The following DDI2 variants were observed in gnomAD, a reference collection of about 807,000 sequenced individuals.
The protein encoded by DDI2 is protein DDI1 homolog 2.
Under a neutral mutation model 48.1 loss-of-function variants are expected in DDI2, and 5 were observed. That is an observed-to-expected ratio of 0.10 (90% CI 0.05 to 0.22). The LOEUF is 0.22. DDI2 is among the 10% of genes least tolerant of loss of function. The pLI is 1.00. For missense variants in DDI2, 285 were observed against 506.2 expected, an observed-to-expected ratio of 0.56 and a Z score of 4.19; for synonymous variants, 205 against 183.6, an observed-to-expected ratio of 1.12 and a Z score of -0.94.
At chr1:15,656,091 T>C (rs374211474) in intron 8 of DDI2, among the ~76,000 whole-genome samples, 4 of 152,218 alleles carry the variant, frequency 2.6e-5, no homozygotes, top group African/African-American at 9.6e-5. Context: ...TTCTCCCTCC[T>C]GGACCTCCCA....
intron 6 of DDI2, 102 bp from the exon 7 acceptor site, chr1:15,649,618 C>A (rs2103476699): frequency 8.7e-7 from 1 of 1,149,086 alleles, no homozygotes; most frequent in Non-Finnish European, 1.2e-6. Flanking sequence ...TTGCCATCAG[C>A]CAGGATTATG....
intron 5 of DDI2, among the ~76,000 whole-genome samples, chr1:15,642,825 T>A (rs988418694): frequency 6.6e-6 from 1 of 152,186 alleles, no homozygotes; most frequent in Non-Finnish European, 1.5e-5. Context: ...CCCAGCACTT[T>A]GGGAGGCCGA....
chr1:15,625,426 A>T (rs1639737065), intron 1 of DDI2, among the ~76,000 whole-genome samples: 1 of 134,504 alleles, frequency 7.4e-6, no homozygotes, highest in Admixed American at 7.0e-5. Context: ...GGCAGATTTT[A>T]TGTTTTTTCA....
intron 3 of DDI2, among the ~76,000 whole-genome samples, chr1:15,632,216 C>G (rs886880017): frequency 2.6e-5 from 4 of 152,184 alleles, no homozygotes; most frequent in Non-Finnish European, 5.9e-5. Flanking sequence ...ATCAGCATAT[C>G]TAATCACCAA....
At chr1:15,632,912 C>CTTT (rs1222613153) in intron 3 of DDI2, among the ~76,000 whole-genome samples, 14 of 99,894 alleles carry the variant, frequency 1.4e-4, no homozygotes, top group African/African-American at 2.5e-4. Context: ...TTTGCAAATA[C>CTTT]TTTTTTTTTT....
intron 1 of DDI2, among the ~76,000 whole-genome samples, chr1:15,623,410 A>G (rs1217284176): frequency 1.4e-5 from 1 of 71,342 alleles, no homozygotes; most frequent in East Asian, 2.5e-4. Context: ...TTTTTTTTTT[A>G]AGAGACAAGA....
chr1:15,662,455 G>GTCAGCTTTAAGTCAGC lies in DDI2; in HGVS notation c.*2666_*2667insCAGCTTTAAGTCAGCT, dbSNP rs1640397988. On this transcript the variant is annotated 3_prime_UTR_variant, in exon 10 of 10. Coordinates refer to ENST00000480945, the MANE Select transcript of DDI2 (RefSeq NM_032341.5). ...ATATTGTGGGGGAGTTACAATGCAA[G>GTCAGCTTTAAGTCAGC]TGAAACGTGGTGCTACCCAGATTCT... 1.3e-5 allele frequency: 2 copies of GTCAGCTTTAAGTCAGC among 152,172 alleles called. No homozygotes were observed. Among genetic ancestry groups the GTCAGCTTTAAGTCAGC allele is most frequent in the South Asian group, 4.1e-4 (2 of 4,828 alleles). 9.4% of individuals were successfully genotyped at this position (152,172 alleles called of 1,614,324 possible). A position where few individuals can be genotyped will look rare whatever the true frequency, so the allele number is the denominator to read the frequency against.
chr1:15,636,022 G>C (rs2103468749), intron 4 of DDI2, among the ~76,000 whole-genome samples: 1 of 152,316 alleles, frequency 6.6e-6, no homozygotes, highest in East Asian at 1.9e-4. Flanking sequence ...AGGTGCTTTT[G>C]ACTTTCTGAG....
intron 8 of DDI2, among the ~76,000 whole-genome samples, chr1:15,654,124 T>G (rs1640234025): frequency 6.6e-6 from 1 of 152,202 alleles, no homozygotes; most frequent in Admixed American, 6.5e-5. Context: ...CACACATTGC[T>G]TTTTCTAGTA....
At chr1:15,653,959 C>G (rs955771861) in intron 8 of DDI2, among the ~76,000 whole-genome samples, 1 of 152,098 alleles carries the variant, frequency 6.6e-6, no homozygotes, top group African/African-American at 2.4e-5. Context: ...GCTAAGTTTT[C>G]TAGGTAAAAT....
In DDI2 at chr1:15,665,262, C is replaced by CA. The variant is rs1220947128; in HGVS notation, c.*5490dup. On this transcript the variant is annotated 3_prime_UTR_variant, in exon 10 of 10. Coordinates refer to ENST00000480945, the MANE Select transcript of DDI2 (RefSeq NM_032341.5). ...GGGCAACAAGAGCAAAACTCTGTCTCAAAAAAAAAAAAAAAAAAGGTAACC... is the reference window on the plus strand; with the variant it reads ...GGGCAACAAGAGCAAAACTCTGTCTCAAAAAAAAAAAAAAAAAAAGGTAACC... The CA allele has an allele frequency of 0.081, 7,760 of 95,790 alleles. 609 individuals are homozygous for CA. Among genetic ancestry groups the CA allele is most frequent in the African/African-American group, 0.21 (5,861 of 28,292 alleles). The allele number at this position is 95,790 out of a possible 1,614,324, so 5.9% of individuals were successfully genotyped here. A position where few individuals can be genotyped will look rare whatever the true frequency, so the allele number is the denominator to read the frequency against.
rs1640337857 is a variant in DDI2, at chr1:15,660,002, C to A, written c.*212C>A. On this transcript the variant is annotated 3_prime_UTR_variant, in exon 10 of 10. Coordinates refer to ENST00000480945, the MANE Select transcript of DDI2 (RefSeq NM_032341.5). ...GTCTGCCCTATCAAGCCCAGTGACT[C>A]AGATCGCATTGAACCTAAAGCTGTG... 8 of 1,614,094 alleles carry A rather than the reference C, an allele frequency of 5.0e-6. No individual in the cohort carries two copies.
intron 5 of DDI2, 143 bp from the exon 6 acceptor site, chr1:15,643,379 C>A: frequency 8.6e-7 from 1 of 1,157,388 alleles, no homozygotes; most frequent in Non-Finnish European, 1.2e-6. Context: ...AGGCAGGGCA[C>A]TTGCTAGGTA....
In DDI2 at chr1:15,633,795, AAGG is replaced by A. The variant is rs769847151; in HGVS notation, c.632+235_632+237del. ...TTAATGACTTTCTTTCTAAAATTTT[AAGG>A]AGGACTCCCTGACTAGCAGACAGAG... is the stretch of plus-strand genomic sequence containing the variant. On this transcript the variant is annotated intron_variant, in intron 4 of 9. Transcript: ENST00000480945. The A allele has an allele frequency of 7.2e-5, 40 of 556,052 alleles. No homozygotes were observed. The Admixed American group carries it at 8.6e-4, about 12-fold the overall frequency. 34.4% of individuals were successfully genotyped at this position (556,052 alleles called of 1,614,324 possible).
chr1:15,628,624 G>A (rs1639794295), intron 2 of DDI2, among the ~76,000 whole-genome samples: 2 of 152,156 alleles, frequency 1.3e-5, no homozygotes, highest in Non-Finnish European at 2.9e-5. Context: ...ATATTTTTTG[G>A]AGTTGAAGGA....
In DDI2 at chr1:15,617,585, A is replaced by G; in HGVS notation, c.-86A>G. On this transcript the variant is annotated 5_prime_UTR_variant, in exon 1 of 10. Transcript: ENST00000480945. The stretch of plus-strand genomic sequence containing the variant: ...GCAGCCGGCGCCGTCCTCCCGCAGC[A>G]CCAGCCAGGCCACGCCGCCGCCTCT... 1 of 1,169,104 alleles carries G rather than the reference A, an allele frequency of 8.6e-7. No individual in the cohort carries two copies. The highest frequency in any genetic ancestry group is 1.6e-5 in the African/African-American group (1 of 62,490). 72.4% of individuals were successfully genotyped at this position (1,169,104 alleles called of 1,614,324 possible).
chr1:15,643,752 GT>G, intron 6 of DDI2, 102 bp downstream of exon 6: 1 of 1,481,420 alleles, frequency 6.8e-7, no homozygotes, highest in Non-Finnish European at 9.0e-7. Flanking sequence ...TTATTTTGTT[GT>G]TGTTGTTTTA....
chr1:15,623,127 C>T (rs933297789), intron 1 of DDI2, among the ~76,000 whole-genome samples: 1 of 152,128 alleles, frequency 6.6e-6, no homozygotes, highest in African/African-American at 2.4e-5. Flanking sequence ...AGTATGGCAT[C>T]TGTGAAGTGG....
intron 8 of DDI2, 69 bp from the exon 9 acceptor site, chr1:15,656,548 A>G (rs1417335609): frequency 3.1e-6 from 5 of 1,613,884 alleles, no homozygotes; most frequent in Non-Finnish European, 4.2e-6. Context: ...AACGGAAACT[A>G]TAACCCTGCA....
Sources: gnomAD v4.1 joint callset for allele counts (sites outside exome capture counted in the v4.1 genomes callset) on GRCh38, gnomAD v4.1.1 for gene constraint, MANE v1.5 for transcripts, NCBI Gene and HGNC (gene_info 2026-07-23, HGNC 2026-07-21) for gene names.